The following SNX13 variants were observed in gnomAD, a reference collection of about 807,000 sequenced individuals.
SNX13 encodes the protein sorting nexin-13.
In SNX13, 45 loss-of-function variants were observed where a neutral mutation model predicts 133.6. The ratio of observed to expected loss-of-function variants is 0.34; its 90% confidence interval spans 0.27 to 0.43. The LOEUF (loss-of-function observed/expected upper bound fraction) is 0.43, where lower values mean the gene tolerates loss of function less well. SNX13 is among the 20% of genes least tolerant of loss of function. The probability of loss-of-function intolerance (pLI) is 1.00; values close to 1 mark genes in which losing one functional copy is unlikely to be tolerated. For missense variants in SNX13, 1,032 were observed against 1,145.1 expected (o/e 0.90, Z 1.43); for synonymous variants, 414 against 373.9 (o/e 1.11, Z -1.24).
chr7:17,929,274 G>C (rs1407806750), intron 1 of SNX13, among the ~76,000 whole-genome samples: 1 of 152,060 alleles, frequency 6.6e-6, no homozygotes, highest in Non-Finnish European at 1.5e-5. Context: ...GACCTTAATG[G>C]CATAATCTCC....
intron 24 of SNX13, 22 bp from the exon 25 acceptor site, chr7:17,796,961 A>C: frequency 6.7e-7 from 1 of 1,495,334 alleles, no homozygotes; most frequent in Non-Finnish European, 9.3e-7. Context: ...GATTAAATAC[A>C]TTTTGTAAAC....
chr7:17,914,725 G>T (rs1799353708), intron 1 of SNX13, among the ~76,000 whole-genome samples: 1 of 152,150 alleles, frequency 6.6e-6, no homozygotes, highest in Non-Finnish European at 1.5e-5. Context: ...GCTTAAGGGG[G>T]TTCTAAACAT....
intron 15 of SNX13, chr7:17,831,829 A>G: frequency 2.0e-6 from 2 of 983,066 alleles, no homozygotes; most frequent in Non-Finnish European, 2.4e-6. Flanking sequence ...AATCATATAA[A>G]AAGAAGTATA....
At chr7:17,829,478 G>T (rs1237882873) in intron 16 of SNX13, among the ~76,000 whole-genome samples, 1 of 151,410 alleles carries the variant, frequency 6.6e-6, no homozygotes, top group Non-Finnish European at 1.5e-5. Context: ...AATCATTAAG[G>T]ATGTAGTTGC....
chr7:17,924,108 C>T (rs1417647492), intron 1 of SNX13, among the ~76,000 whole-genome samples: 2 of 151,898 alleles, frequency 1.3e-5, no homozygotes, highest in East Asian at 3.9e-4. Flanking sequence ...CTTTTGACAC[C>T]AAAAGCAACA....
intron 13 of SNX13, among the ~76,000 whole-genome samples, chr7:17,835,985 T>C (rs961794482): frequency 6.6e-6 from 1 of 151,914 alleles, no homozygotes; most frequent in African/African-American, 2.4e-5. Flanking sequence ...ATGATGTTAC[T>C]TGGTTTTGCC....
At chr7:17,810,997 C>G (rs561128920) in intron 20 of SNX13, among the ~76,000 whole-genome samples, 113 of 152,230 alleles carry the variant, frequency 7.4e-4, no homozygotes, top group African/African-American at 2.6e-3. Context: ...ATCAATGGAA[C>G]GTATCTCAAA....
intron 8 of SNX13, among the ~76,000 whole-genome samples, chr7:17,870,441 T>A (rs1329139103): frequency 6.6e-6 from 1 of 152,230 alleles, no homozygotes; most frequent in Non-Finnish European, 1.5e-5. Flanking sequence ...GAATGCATGG[T>A]CTGCAATTAT....
chr7:17,924,936 A>C (rs1467945076), intron 1 of SNX13, among the ~76,000 whole-genome samples: 3 of 152,192 alleles, frequency 2.0e-5, no homozygotes, highest in African/African-American at 7.2e-5. Context: ...GGCCTGGCAC[A>C]GTGGCTCACC....
chr7:17,909,758 T>C (rs1200982609), intron 1 of SNX13, among the ~76,000 whole-genome samples: 1 of 152,150 alleles, frequency 6.6e-6, no homozygotes, highest in Non-Finnish European at 1.5e-5. Flanking sequence ...GAACAGCTAA[T>C]GGTTGCTGGG....
chr7:17,918,369 G>A (rs914160501), intron 1 of SNX13, among the ~76,000 whole-genome samples: 2 of 151,454 alleles, frequency 1.3e-5, no homozygotes, highest in African/African-American at 2.4e-5. Flanking sequence ...GAAAACATTC[G>A]CAAACTATAA....
intron 1 of SNX13, among the ~76,000 whole-genome samples, 180 bp downstream of exon 1, chr7:17,940,104 T>C (rs1802647474): frequency 6.6e-6 from 1 of 151,720 alleles, no homozygotes; most frequent in African/African-American, 2.4e-5. Context: ...GTGGTGGGAC[T>C]CTGTTGAGTC....
At position 17,940,456 on chromosome 7, in the gene SNX13, C is replaced by A; in HGVS notation, c.-161G>T. 1.3e-6 allele frequency: 1 copy of A among 786,758 alleles called. No individual in the cohort carries two copies. The highest frequency in any genetic ancestry group is 2.2e-6 in the Non-Finnish European group (1 of 461,276). 48.7% of individuals were successfully genotyped at this position (786,758 alleles called of 1,614,324 possible). On this transcript the variant is annotated 5_prime_UTR_variant, in exon 1 of 26. Coordinates refer to ENST00000428135, the MANE Select transcript of SNX13 (RefSeq NM_015132.5). ...CGGCTTCGCTGGCCTCCCCTCGGCC[C>A]GGTCGCTCGCGACGGACGCGCCGCC... is the stretch of plus-strand genomic sequence containing the variant.
At chr7:17,894,582 T>C (rs1458596539) in intron 2 of SNX13, among the ~76,000 whole-genome samples, 1 of 152,082 alleles carries the variant, frequency 6.6e-6, no homozygotes, top group Non-Finnish European at 1.5e-5. Flanking sequence ...TGAAAAATAA[T>C]TACAGGATCA....
chr7:17,831,011 T>C, intron 15 of SNX13: 1 of 984,246 alleles, frequency 1.0e-6, no homozygotes, highest in Non-Finnish European at 1.2e-6. Context: ...GATTATCCCT[T>C]GGTGATACTT....
chr7:17,903,485 G>C (rs531613155), intron 1 of SNX13, among the ~76,000 whole-genome samples: 44 of 152,258 alleles, frequency 2.9e-4, no homozygotes, highest in African/African-American at 9.9e-4. Context: ...AGGACTAGCT[G>C]AATTCAAATC....
chr7:17,869,708 C>T (rs576947640), intron 8 of SNX13, among the ~76,000 whole-genome samples: 2 of 152,214 alleles, frequency 1.3e-5, no homozygotes, highest in East Asian at 3.9e-4. Context: ...TTTGGAGACA[C>T]TTTGCAGTCT....
rs1794651157 is a variant in SNX13 at position 17,875,692 on chromosome 7, G to A, written c.539C>T (p.Thr180Ile). The A allele has an allele frequency of 1.9e-6, 3 of 1,610,108 alleles. No homozygotes were observed. Among genetic ancestry groups the A allele is most frequent in the Non-Finnish European group, 1.7e-6 (2 of 1,177,822 alleles). ...RVFRKAQQKI[T>I]EKDDQVKGTA... is the part of the protein sequence containing the mutation. Reference sequence around the variant, plus strand: ...ACCTTTCACTTGATCATCTTTCTCTGTTATTTTCTGTTGAGCCTTTCTGAA... The same window carrying A: ...ACCTTTCACTTGATCATCTTTCTCTATTATTTTCTGTTGAGCCTTTCTGAA... Residue 180 changes from threonine (T) to isoleucine (I), a missense_variant, in exon 6 of 26, where the codon ACA becomes ATA. By Grantham distance (89) the Thr-to-Ile change is moderately conservative (BLOSUM62 -1). Transcript: ENST00000428135.
intron 20 of SNX13, among the ~76,000 whole-genome samples, chr7:17,813,720 G>C (rs1173264073): frequency 6.6e-6 from 1 of 151,442 alleles, no homozygotes; most frequent in Non-Finnish European, 1.5e-5. Context: ...TTGAGTATCT[G>C]GGACTATAGG....
Sources: gnomAD v4.1 joint callset for allele counts (sites outside exome capture counted in the v4.1 genomes callset) on GRCh38, gnomAD v4.1.1 for gene constraint, MANE v1.5 for transcripts, NCBI Gene and HGNC (gene_info 2026-07-23, HGNC 2026-07-21) for gene names.